The following ACKR5 variants were observed in gnomAD, a reference collection of about 807,000 sequenced individuals.
ACKR5 encodes the protein atypical chemokine receptor 5.
At chr12:56,995,689 C>A in the ACKR5 span, 1 of 1,613,906 alleles carries the variant, frequency 6.2e-7, no homozygotes, top group Non-Finnish European at 8.5e-7. This position sits in a 1 kb window ranked among gnomAD's most constrained non-coding sequence, Gnocchi z 4.7. Flanking sequence ...GCGCCTCCCC[C>A]TCCTGGCAGC....
the ACKR5 span, chr12:56,995,166 C>A: frequency 7.7e-6 from 12 of 1,567,872 alleles, no homozygotes; most frequent in East Asian, 2.7e-4. This position sits in a 1 kb window ranked among gnomAD's most constrained non-coding sequence, Gnocchi z 4.7. Flanking sequence ...GTCTGCTTTC[C>A]CTTCCAACCC....
At chr12:56,996,138 T>A in the ACKR5 span, 1 of 1,614,108 alleles carries the variant, frequency 6.2e-7, no homozygotes, top group Non-Finnish European at 8.5e-7. Context: ...TGCTTCTCCA[T>A]GCTGCACTGT....
the ACKR5 span, chr12:56,995,781 A>G: frequency 6.2e-7 from 1 of 1,614,074 alleles, no homozygotes; most frequent in Non-Finnish European, 8.5e-7. This position sits in a 1 kb window ranked among gnomAD's most constrained non-coding sequence, Gnocchi z 4.7. Flanking sequence ...GAGGTGGTCC[A>G]CATCCAGCTG....
the ACKR5 span, chr12:56,998,129 C>T: frequency 1.3e-5 from 2 of 152,268 alleles, no homozygotes; most frequent in Non-Finnish European, 2.9e-5. Context: ...ACTGCCTCCT[C>T]TGACTTGGGC....
chr12:56,998,740 T>G, the ACKR5 span: 2 of 152,662 alleles, frequency 1.3e-5, no homozygotes, highest in Admixed American at 1.3e-4. Flanking sequence ...TTCTGGCATC[T>G]GCTGGGCAGA....
the ACKR5 span, among the ~76,000 whole-genome samples, chr12:56,998,650 A>G: frequency 6.6e-6 from 1 of 152,170 alleles, no homozygotes; most frequent in Non-Finnish European, 1.5e-5. Context: ...CTTTGACTTA[A>G]TTTCCCACTA....
At chr12:56,995,485 C>T in the ACKR5 span, 1 of 1,614,178 alleles carries the variant, frequency 6.2e-7, no homozygotes, top group Non-Finnish European at 8.5e-7. This position sits in a 1 kb window ranked among gnomAD's most constrained non-coding sequence, Gnocchi z 4.7. Context: ...ACCTCTACAT[C>T]CTCAACATGG....
the ACKR5 span, chr12:56,998,846 CTTTT>C: frequency 6.6e-6 from 1 of 152,578 alleles, no homozygotes; most frequent in Non-Finnish European, 1.5e-5. Flanking sequence ...TTTCAAATTT[CTTTT>C]TTTATTCTAA....
the ACKR5 span, chr12:56,995,086 A>G: frequency 1.3e-5 from 10 of 789,744 alleles, no homozygotes; most frequent in Non-Finnish European, 1.9e-5. The surrounding 1 kb of genome is among the most constrained non-coding windows in gnomAD (Gnocchi z 4.7). Context: ...TTCTTGCCTT[A>G]GCCCCAGAAT....
chr12:56,995,688 C>G, the ACKR5 span: 133 of 1,613,836 alleles, frequency 8.2e-5, 1 homozygote, highest in Middle Eastern at 8.2e-4. This position sits in a 1 kb window ranked among gnomAD's most constrained non-coding sequence, Gnocchi z 4.7. Context: ...AGCGCCTCCC[C>G]CTCCTGGCAG....
At chr12:56,995,536 G>A in the ACKR5 span, 2 of 1,614,130 alleles carry the variant, frequency 1.2e-6, no homozygotes, top group African/African-American at 2.7e-5. This position sits in a 1 kb window ranked among gnomAD's most constrained non-coding sequence, Gnocchi z 4.7. Flanking sequence ...TGCCCGTGTG[G>A]ATGCTGGAGG....
chr12:56,997,633 G>A, the ACKR5 span: 5 of 152,178 alleles, frequency 3.3e-5, no homozygotes, highest in African/African-American at 1.2e-4. Flanking sequence ...CTAAGAACAG[G>A]ATCTAGTTTC....
the ACKR5 span, chr12:56,996,007 C>CT: frequency 2.5e-6 from 4 of 1,610,236 alleles, no homozygotes; most frequent in South Asian, 1.1e-5. Flanking sequence ...ACGTGGCCGT[C>CT]TTTGTCATGT....
chr12:56,996,682 T>C, the ACKR5 span: 1 of 431,236 alleles, frequency 2.3e-6, no homozygotes. Context: ...GAGATAGCCA[T>C]GGACTCTGGA....
At chr12:56,996,318 C>T in the ACKR5 span, 3 of 1,614,212 alleles carry the variant, frequency 1.9e-6, no homozygotes, top group East Asian at 4.5e-5. Context: ...GATAGCCAGC[C>T]TGCTGCAGCA....
At chr12:56,995,180 C>G in the ACKR5 span, 6 of 1,586,962 alleles carry the variant, frequency 3.8e-6, no homozygotes, top group East Asian at 1.3e-4. This position sits in a 1 kb window ranked among gnomAD's most constrained non-coding sequence, Gnocchi z 4.7. Context: ...CCAACCCTCC[C>G]TTCATCCCAA....
At chr12:56,995,714 G>C in the ACKR5 span, 9 of 1,613,714 alleles carry the variant, frequency 5.6e-6, no homozygotes, top group Non-Finnish European at 7.6e-6. This position sits in a 1 kb window ranked among gnomAD's most constrained non-coding sequence, Gnocchi z 4.7. Flanking sequence ...CCAGCACCGA[G>C]TGCGGCGGGC....
chr12:56,995,773 G>A, the ACKR5 span: 3 of 1,614,122 alleles, frequency 1.9e-6, no homozygotes, highest in Non-Finnish European at 2.5e-6. The surrounding 1 kb of genome is among the most constrained non-coding windows in gnomAD (Gnocchi z 4.7). Flanking sequence ...CGCTGCCTGA[G>A]GTGGTCCACA....
chr12:56,995,313 T>G, the ACKR5 span: 2 of 1,614,206 alleles, frequency 1.2e-6, 1 homozygote, highest in Non-Finnish European at 1.7e-6. This position sits in a 1 kb window ranked among gnomAD's most constrained non-coding sequence, Gnocchi z 4.7. Context: ...CTGCTTGACC[T>G]CTTCAACCAC....
Sources: gnomAD v4.1 joint callset for allele counts (sites outside exome capture counted in the v4.1 genomes callset) on GRCh38, gnomAD v4.1.1 for gene constraint, Gnocchi (gnomAD v3.1) non-coding constraint, MANE v1.5 for transcripts, NCBI Gene and HGNC (gene_info 2026-07-23, HGNC 2026-07-21) for gene names.